ERBB4: variants seen among roughly 807,000 people sequenced by gnomAD.
The protein encoded by ERBB4 is receptor tyrosine-protein kinase erbB-4.
In ERBB4, 42 loss-of-function variants were observed where a neutral mutation model predicts 158.0. That is an observed-to-expected ratio of 0.27 (90% confidence interval 0.21 to 0.34). The LOEUF is 0.34. ERBB4 is among the 10% of genes least tolerant of loss of function. The probability of loss-of-function intolerance (pLI) is 1.00; values close to 1 mark genes in which losing one functional copy is unlikely to be tolerated. For missense variants in ERBB4, 1,333 were observed against 1,624.1 expected, an observed-to-expected ratio of 0.82 and a Z score of 3.08; for synonymous variants, 583 against 558.7, an observed-to-expected ratio of 1.04 and a Z score of -0.61.
intron 2 of ERBB4, among the ~76,000 whole-genome samples, chr2:211,950,470 A>G (rs1183897755): frequency 1.3e-5 from 2 of 152,168 alleles, no homozygotes; most frequent in East Asian, 3.8e-4. Flanking sequence ...TTATAAAGAT[A>G]TATCTGTCAA....
chr2:212,168,803 T>C (rs1442819110), intron 1 of ERBB4, among the ~76,000 whole-genome samples: 2 of 152,146 alleles, frequency 1.3e-5, no homozygotes, highest in African/African-American at 4.8e-5. Flanking sequence ...GTGCTGCTAA[T>C]GAGGCCCATG....
chr2:211,665,810 A>G (rs866032044), intron 14 of ERBB4, among the ~76,000 whole-genome samples: 2 of 152,216 alleles, frequency 1.3e-5, no homozygotes, highest in Non-Finnish European at 2.9e-5. Context: ...TTGATCAGCA[A>G]AACTGTCCAA....
chr2:211,666,417 T>C (rs1415850854), intron 14 of ERBB4, among the ~76,000 whole-genome samples: 1 of 152,144 alleles, frequency 6.6e-6, no homozygotes, highest in Non-Finnish European at 1.5e-5. Context: ...CTTTCTAATA[T>C]GTGGAATGTT....
At chr2:211,508,722 A>T (rs1022840510) in intron 20 of ERBB4, among the ~76,000 whole-genome samples, 1 of 152,174 alleles carries the variant, frequency 6.6e-6, no homozygotes, top group Non-Finnish European at 1.5e-5. Context: ...TATGTGTATT[A>T]CTATTTACAA....
At chr2:211,875,689 C>T (rs1242247584) in intron 3 of ERBB4, among the ~76,000 whole-genome samples, 1 of 152,116 alleles carries the variant, frequency 6.6e-6, no homozygotes, top group African/African-American at 2.4e-5. Context: ...ATGTCACAGG[C>T]CTTCACATTG....
At chr2:212,411,460 G>A (rs2091498288) in intron 1 of ERBB4, among the ~76,000 whole-genome samples, 1 of 152,106 alleles carries the variant, frequency 6.6e-6, no homozygotes, top group Non-Finnish European at 1.5e-5. Flanking sequence ...AAATATTTAT[G>A]GTGATATCTA....
intron 2 of ERBB4, among the ~76,000 whole-genome samples, chr2:212,039,415 G>A (rs997285300): frequency 6.6e-6 from 1 of 152,130 alleles, no homozygotes; most frequent in Admixed American, 6.5e-5. Context: ...TTGAAGAGAG[G>A]ATACTTTACA....
At chr2:211,719,830 G>T (rs1265027288) in intron 7 of ERBB4, among the ~76,000 whole-genome samples, 2 of 150,672 alleles carry the variant, frequency 1.3e-5, no homozygotes, top group East Asian at 3.9e-4. Context: ...ATTCCAGCCT[G>T]GGTGACAGAG....
At chr2:212,255,779 T>A (rs1047669109) in intron 1 of ERBB4, among the ~76,000 whole-genome samples, 1 of 152,050 alleles carries the variant, frequency 6.6e-6, no homozygotes. Flanking sequence ...TTTAAAAATA[T>A]ATTAACTCTT....
At chr2:212,519,814 A>G (rs574237499) in intron 1 of ERBB4, among the ~76,000 whole-genome samples, 2 of 152,108 alleles carry the variant, frequency 1.3e-5, no homozygotes, top group Middle Eastern at 3.4e-3. Context: ...AGAATACAAA[A>G]TTATAGCTAG....
chr2:211,814,354 G>C (rs1262245656), intron 3 of ERBB4, among the ~76,000 whole-genome samples: 2 of 152,196 alleles, frequency 1.3e-5, no homozygotes, highest in East Asian at 3.9e-4. Context: ...AGAAGTGTCT[G>C]TGTATTTACT....
intron 1 of ERBB4, among the ~76,000 whole-genome samples, chr2:212,138,794 G>A (rs1210666267): frequency 6.6e-6 from 1 of 152,070 alleles, no homozygotes; most frequent in African/African-American, 2.4e-5. Context: ...ACACATTATT[G>A]AAAACTATTC....
At chr2:211,645,298 A>G (rs2070746466) in intron 16 of ERBB4, among the ~76,000 whole-genome samples, 1 of 151,688 alleles carries the variant, frequency 6.6e-6, no homozygotes, top group African/African-American at 2.4e-5. Context: ...GAGAGGGAGA[A>G]GCCCTCACAA....
intron 1 of ERBB4, among the ~76,000 whole-genome samples, chr2:212,395,431 T>A (rs2090995875): frequency 6.6e-6 from 1 of 151,854 alleles, no homozygotes; most frequent in Admixed American, 6.6e-5. Flanking sequence ...AATAGAGGTG[T>A]GTCACGTAAA....
At chr2:211,402,355 C>G (rs898621182) in intron 25 of ERBB4, among the ~76,000 whole-genome samples, 3 of 151,856 alleles carry the variant, frequency 2.0e-5, no homozygotes, top group Admixed American at 2.0e-4. Flanking sequence ...GTTATCCTTG[C>G]AAAAAACGAT....
At chr2:211,627,989 AC>A (rs2069927514) in intron 17 of ERBB4, among the ~76,000 whole-genome samples, 1 of 152,230 alleles carries the variant, frequency 6.6e-6, no homozygotes, top group South Asian at 2.1e-4. Context: ...CTGTGTGATT[AC>A]AACACTAAGT....
intron 3 of ERBB4, among the ~76,000 whole-genome samples, chr2:211,800,317 A>C (rs1216188603): frequency 1.3e-5 from 2 of 152,194 alleles, no homozygotes; most frequent in African/African-American, 4.8e-5. Flanking sequence ...TACTAATCTC[A>C]TTTTACAGAT....
At chr2:211,686,263 G>A (rs1316656686) in intron 12 of ERBB4, among the ~76,000 whole-genome samples, 1 of 152,060 alleles carries the variant, frequency 6.6e-6, no homozygotes, top group Non-Finnish European at 1.5e-5. Flanking sequence ...CTTCATGAAG[G>A]GGAGAAACTT....
intron 16 of ERBB4, 35 bp from the exon 17 acceptor site, chr2:211,630,629 G>T (rs553565515): frequency 1.4e-5 from 22 of 1,569,786 alleles, no homozygotes; most frequent in Non-Finnish European, 1.7e-5. Flanking sequence ...AAAATAAAAA[G>T]TATGAAGAGA....
Sources: gnomAD v4.1 joint callset for allele counts (sites outside exome capture counted in the v4.1 genomes callset) on GRCh38, gnomAD v4.1.1 for gene constraint, MANE v1.5 for transcripts, NCBI Gene and HGNC (gene_info 2026-07-23, HGNC 2026-07-21) for gene names.